The following CACFD1 variants were observed in gnomAD, a reference collection of about 807,000 sequenced individuals.
CACFD1 encodes calcium channel flower domain containing 1, also known as calcium channel flower homolog.
In CACFD1, 26 loss-of-function variants were observed where a neutral mutation model predicts 21.3. The ratio of observed to expected loss-of-function variants is 1.22; its 90% CI spans 0.89 to 1.69. The LOEUF is 1.69. Ranked by LOEUF, CACFD1 falls within the 40% of genes most tolerant of loss-of-function variation. CACFD1 has a pLI of 0.00. For missense variants in CACFD1, 265 were observed against 236.2 expected (o/e 1.12, Z -0.80); for synonymous variants, 121 against 106.6 (o/e 1.13, Z -0.83).
Position 133,468,553 on chromosome 9 carries a change from C to T in CACFD1, c.429-10C>T, listed in dbSNP as rs942556012. 2.5e-6 allele frequency: 4 copies of T among 1,571,048 alleles called. No individual in the cohort carries two copies. The highest frequency in any genetic ancestry group is 2.6e-6 in the Non-Finnish European group (3 of 1,160,022). On this transcript the variant is annotated splice_polypyrimidine_tract_variant and intron_variant, in intron 4 of 4. Transcript: ENST00000316948. The stretch of plus-strand genomic sequence containing the variant: ...GTGCTCCACGTGACGCTGCCTCTCT[C>T]TCTCCCCAGGGGCGATGCGATCTCC...
At position 133,468,239 on chromosome 9, in the gene CACFD1, C is replaced by T. The variant is rs867973569; in HGVS notation, c.428+211C>T. 26 of 1,390,518 alleles carry T rather than the reference C, an allele frequency of 1.9e-5. 1 individual carries two copies. The highest frequency in any genetic ancestry group is 1.8e-4 in the Middle Eastern group (1 of 5,432). 86.1% of individuals were successfully genotyped at this position (1,390,518 alleles called of 1,614,324 possible). On this transcript the variant is annotated intron_variant, in intron 4 of 4. Transcript: ENST00000316948. ...TGCGTGGCCCAGTCTTGCCCCGTCACGGCCTGCAGCAAGGATAGCAAAAAC... is the reference window on the plus strand; with the variant it reads ...TGCGTGGCCCAGTCTTGCCCCGTCATGGCCTGCAGCAAGGATAGCAAAAAC...
intron 1 of CACFD1, among the ~76,000 whole-genome samples, chr9:133,461,531 C>T (rs1843218183): frequency 6.6e-6 from 1 of 152,212 alleles, no homozygotes; most frequent in Admixed American, 6.5e-5. Flanking sequence ...AGTGGGGTGA[C>T]ATGGTCAGTG....
Position 133,465,517 on chromosome 9 carries a change from A to T in CACFD1, c.320+70A>T. On this transcript the variant is annotated intron_variant, in intron 3 of 4. Coordinates refer to ENST00000316948, the MANE Select transcript of CACFD1 (RefSeq NM_017586.5). This position sits in a 1 kb window ranked among gnomAD's most constrained non-coding sequence, Gnocchi z 5.0. ...CCCCACTGACAAAATAGGACCCAAA[A>T]GTCAGGTGAGGGTGGGCAGTGTATT... 6.8e-7 allele frequency: 1 copy of T among 1,475,272 alleles called. No individual in the cohort carries two copies. The highest frequency in any genetic ancestry group is 9.3e-7 in the Non-Finnish European group (1 of 1,080,418). The allele number at this position is 1,475,272 out of a possible 1,614,324, so 91.4% of individuals were successfully genotyped here. A position where few individuals can be genotyped will look rare whatever the true frequency, so the allele number is the denominator to read the frequency against.
intron 1 of CACFD1, among the ~76,000 whole-genome samples, chr9:133,461,302 G>T (rs1554798475): frequency 6.6e-6 from 1 of 152,212 alleles, no homozygotes; most frequent in Non-Finnish European, 1.5e-5. Context: ...CTAGGAGTGT[G>T]CTGCCCTCGC....
chr9:133,470,144 TTCC>T lies in CACFD1; in HGVS notation c.*1495_*1497del, dbSNP rs1355970637. On this transcript the variant is annotated 3_prime_UTR_variant, in exon 5 of 5. Coordinates refer to ENST00000316948, the MANE Select transcript of CACFD1 (RefSeq NM_017586.5). ...GCCTGGTGGACATGTGCCTTCAGGG[TTCC>T]TCCGGGGCCACCTTCCTCAGGCCAG... The T allele has an allele frequency of 6.5e-6, 1 of 152,996 alleles. No individual in the cohort carries two copies. Among genetic ancestry groups the T allele is most frequent in the Non-Finnish European group, 1.5e-5 (1 of 68,460 alleles). The allele number at this position is 152,996 out of a possible 1,614,324, so 9.5% of individuals were successfully genotyped here. A position where few individuals can be genotyped will look rare whatever the true frequency, so the allele number is the denominator to read the frequency against.
In CACFD1 at chr9:133,470,696, T is replaced by C. The variant is rs1022126314; in HGVS notation, c.*2043T>C. The C allele has an allele frequency of 7.2e-5, 11 of 152,578 alleles. No homozygotes were observed. Among genetic ancestry groups the C allele is most frequent in the Admixed American group, 6.5e-5 (1 of 15,294 alleles). The allele number at this position is 152,578 out of a possible 1,614,324, so 9.5% of individuals were successfully genotyped here. ...CTGGTCTGGGCTGTGTGTGGCGCCCTTTCCTCCTTGTTTGTTCCTCTGTGT... is the reference window on the plus strand; with the variant it reads ...CTGGTCTGGGCTGTGTGTGGCGCCCCTTCCTCCTTGTTTGTTCCTCTGTGT... On this transcript the variant is annotated 3_prime_UTR_variant, in exon 5 of 5. Coordinates refer to ENST00000316948, the MANE Select transcript of CACFD1 (RefSeq NM_017586.5).
Position 133,465,583 on chromosome 9 carries a change from T to C in CACFD1, c.320+136T>C. 1 of 929,942 alleles carries C rather than the reference T, an allele frequency of 1.1e-6. No homozygotes were observed. The highest frequency in any genetic ancestry group is 1.6e-6 in the Non-Finnish European group (1 of 622,034). The allele number at this position is 929,942 out of a possible 1,614,324, so 57.6% of individuals were successfully genotyped here. ...GAAGTGTAAACTGGGATTGCCTTTGTGCACAGTGATTTGCTCATAGCTGCC... is the reference window on the plus strand; with the variant it reads ...GAAGTGTAAACTGGGATTGCCTTTGCGCACAGTGATTTGCTCATAGCTGCC... On this transcript the variant is annotated intron_variant, in intron 3 of 4. Coordinates refer to ENST00000316948, the MANE Select transcript of CACFD1 (RefSeq NM_017586.5). The surrounding 1 kb of genome is among the most constrained non-coding windows in gnomAD (Gnocchi z 5.0).
Position 133,465,090 on chromosome 9 carries a change from C to A in CACFD1, c.195-232C>A, listed in dbSNP as rs587733707. On this transcript the variant is annotated intron_variant, in intron 2 of 4. Transcript: ENST00000316948. This position sits in a 1 kb window ranked among gnomAD's most constrained non-coding sequence, Gnocchi z 5.0. ...GGCTTCCCTCTAGGAGTGTTCAGTTCAGCTGGGGAGATGGGTGTGCAGGAG... is the reference window on the plus strand; with the variant it reads ...GGCTTCCCTCTAGGAGTGTTCAGTTAAGCTGGGGAGATGGGTGTGCAGGAG... The A allele has an allele frequency of 1.1e-5, 6 of 563,414 alleles. No individual in the cohort carries two copies. Among genetic ancestry groups the A allele is most frequent in the African/African-American group, 7.5e-5 (4 of 53,024 alleles). 34.9% of individuals were successfully genotyped at this position (563,414 alleles called of 1,614,324 possible). A position where few individuals can be genotyped will look rare whatever the true frequency, so the allele number is the denominator to read the frequency against.
At position 133,470,275 on chromosome 9, in the gene CACFD1, C is replaced by T. The variant is rs1843642638; in HGVS notation, c.*1622C>T. ...CATCTGTCCCATGTATGCAGTGAGA[C>T]CTGTCTACCTCCCACAAGGAGCAAG... On this transcript the variant is annotated 3_prime_UTR_variant, in exon 5 of 5. Transcript: ENST00000316948. 6.6e-6 allele frequency: 1 copy of T among 152,376 alleles called. No homozygotes were observed. Among genetic ancestry groups the T allele is most frequent in the Non-Finnish European group, 1.5e-5 (1 of 68,128 alleles). The allele number at this position is 152,376 out of a possible 1,614,324, so 9.4% of individuals were successfully genotyped here.
intron 1 of CACFD1, 94 bp from the exon 2 acceptor site, chr9:133,463,389 G>T (rs962759063): frequency 5.6e-6 from 9 of 1,599,534 alleles, no homozygotes; most frequent in Non-Finnish European, 7.7e-6. Flanking sequence ...CATCCGCAGA[G>T]ACTCTCGTCC....
intron 1 of CACFD1, chr9:133,462,113 T>G (rs1055326205): frequency 8.4e-6 from 11 of 1,303,528 alleles, no homozygotes; most frequent in African/African-American, 3.0e-5. Context: ...TGGTCTGGCT[T>G]GACACCTGGT....
chr9:133,465,152 CCGAGGGGTACGAG>C lies in CACFD1; in HGVS notation c.195-168_195-156del. 1.5e-6 allele frequency: 1 copy of C among 685,162 alleles called. No homozygotes were observed. Among genetic ancestry groups the C allele is most frequent in the Non-Finnish European group, 2.6e-6 (1 of 391,706 alleles). The allele number at this position is 685,162 out of a possible 1,614,324, so 42.4% of individuals were successfully genotyped here. A position where few individuals can be genotyped will look rare whatever the true frequency, so the allele number is the denominator to read the frequency against. ...TGCTGGAGTCTTCAGCAGAGGCTCTCCGAGGGGTACGAGCAGGTGCCCTGGAGCAGCCGGGCGG... is the reference window on the plus strand; with the variant it reads ...TGCTGGAGTCTTCAGCAGAGGCTCTCCAGGTGCCCTGGAGCAGCCGGGCGG... On this transcript the variant is annotated intron_variant, in intron 2 of 4. Coordinates refer to ENST00000316948, the MANE Select transcript of CACFD1 (RefSeq NM_017586.5). The surrounding 1 kb of genome is among the most constrained non-coding windows in gnomAD (Gnocchi z 5.0).
At chr9:133,461,620 G>T (rs1843222617) in intron 1 of CACFD1, among the ~76,000 whole-genome samples, 1 of 152,226 alleles carries the variant, frequency 6.6e-6, no homozygotes, top group Non-Finnish European at 1.5e-5. Flanking sequence ...CCGACTCCCA[G>T]ATTTGCTGTG....
At position 133,465,402 on chromosome 9, in the gene CACFD1, A is replaced by T; in HGVS notation, c.275A>T (p.Lys92Met). 1 of 1,614,058 alleles carries T rather than the reference A, an allele frequency of 6.2e-7. No individual in the cohort carries two copies. The highest frequency in any genetic ancestry group is 8.5e-7 in the Non-Finnish European group (1 of 1,179,950). Residue 92 changes from lysine (K) to methionine (M), a missense_variant, in exon 3 of 5, where the codon AAG becomes ATG. Lys to Met is a moderately conservative substitution (Grantham distance 95). Transcript: ENST00000316948. This position sits in a 1 kb window ranked among gnomAD's most constrained non-coding sequence, Gnocchi z 5.0. ...GAGTTTGCAAACACAGTGGCGGAGA[A>T]GGTGGACCGGCTGCGCTCCTGGCAG... ...FIEFANTVAE[K>M]VDRLRSWQKA...
intron 3 of CACFD1, among the ~76,000 whole-genome samples, chr9:133,467,287 C>T (rs1843476087): frequency 6.6e-6 from 1 of 152,212 alleles, no homozygotes; most frequent in Non-Finnish European, 1.5e-5. Context: ...CCCGGGGACG[C>T]TTAAGCCCCA....
chr9:133,460,610 G>A (rs922073226), intron 1 of CACFD1, among the ~76,000 whole-genome samples: 7 of 152,340 alleles, frequency 4.6e-5, no homozygotes, highest in African/African-American at 1.4e-4. Context: ...GTCAACTGTT[G>A]ACTTGGGCGT....
chr9:133,469,197 T>G lies in CACFD1; in HGVS notation c.*544T>G. On this transcript the variant is annotated 3_prime_UTR_variant, in exon 5 of 5. Coordinates refer to ENST00000316948, the MANE Select transcript of CACFD1 (RefSeq NM_017586.5). ...ACAGGGCTCCTAAGGTGCACCCCGG[T>G]ACCTGGAACTGCAGCCTTGGCAGTG... is the stretch of plus-strand genomic sequence containing the variant. The G allele has an allele frequency of 6.5e-6, 1 of 153,606 alleles. No homozygotes were observed. Among genetic ancestry groups the G allele is most frequent in the Non-Finnish European group, 1.4e-5 (1 of 68,972 alleles). The allele number at this position is 153,606 out of a possible 1,614,324, so 9.5% of individuals were successfully genotyped here.
rs782134620 is a variant in CACFD1 at position 133,463,533 on chromosome 9, A to C, written c.172A>C (p.Ile58Leu). The C allele has an allele frequency of 3.1e-6, 5 of 1,614,028 alleles. No homozygotes were observed. The highest frequency in any genetic ancestry group is 4.2e-6 in the Non-Finnish European group (5 of 1,179,982). Reference protein sequence around the residue: ...FNCITIHPLNIAAGVWMIMNA... With the variant: ...FNCITIHPLNLAAGVWMIMNA... ...CTGCATCACCATCCACCCTCTGAACATTGCGGCCGGCGTGTGGATGATGTG... is the reference window on the plus strand; with the variant it reads ...CTGCATCACCATCCACCCTCTGAACCTTGCGGCCGGCGTGTGGATGATGTG... The change falls in exon 2 of 5, where the codon ATT (isoleucine) becomes CTT (leucine). Residue 58 changes from isoleucine (I) to leucine (L), a missense_variant. Transcript: ENST00000316948.
chr9:133,461,811 A>G (rs1243401454), intron 1 of CACFD1: 2 of 943,250 alleles, frequency 2.1e-6, no homozygotes, highest in Non-Finnish European at 2.5e-6. Context: ...ATGCTGTATT[A>G]CAGGGTAGAA....
Sources: gnomAD v4.1 joint callset for allele counts (sites outside exome capture counted in the v4.1 genomes callset) on GRCh38, gnomAD v4.1.1 for gene constraint, Gnocchi (gnomAD v3.1) non-coding constraint, MANE v1.5 for transcripts, NCBI Gene and HGNC (gene_info 2026-07-23, HGNC 2026-07-21) for gene names.